Variants in LOC400499 observed in about 807,000 individuals in gnomAD.
At chr16:11,373,867 G>A in the LOC400499 span, among the ~76,000 whole-genome samples, 5 of 152,086 alleles carry the variant, frequency 3.3e-5, no homozygotes, top group East Asian at 1.9e-4. Context: ...TGATCTGCCC[G>A]CCTCGGCCTC....
At chr16:11,385,352 G>A in the LOC400499 span, 1 of 1,232,284 alleles carries the variant, frequency 8.1e-7, no homozygotes, top group Non-Finnish European at 1.0e-6. Context: ...CGCACTGGGT[G>A]CTGAGGTCCC....
chr16:11,489,545 C>G, the LOC400499 span, among the ~76,000 whole-genome samples: 19 of 152,316 alleles, frequency 1.2e-4, no homozygotes, highest in African/African-American at 4.6e-4. Flanking sequence ...ACCCTCCCCC[C>G]ATTGTCTCAG....
chr16:11,388,307 C>T, the LOC400499 span, among the ~76,000 whole-genome samples: 2 of 152,182 alleles, frequency 1.3e-5, no homozygotes, highest in Admixed American at 6.5e-5. Flanking sequence ...CTCTTCCCTT[C>T]ATCAGCCTCC....
chr16:11,458,899 TG>T, the LOC400499 span, among the ~76,000 whole-genome samples: 3 of 151,662 alleles, frequency 2.0e-5, no homozygotes, highest in African/African-American at 7.3e-5. Context: ...TAGCCAGACG[TG>T]GTGGCAGGCA....
chr16:11,390,097 C>T, the LOC400499 span: 37 of 1,232,066 alleles, frequency 3.0e-5, no homozygotes, highest in African/African-American at 4.0e-4. Context: ...TCTCAAACCC[C>T]GAGTTACCTG....
At chr16:11,438,366 G>T in the LOC400499 span, among the ~76,000 whole-genome samples, 1 of 152,146 alleles carries the variant, frequency 6.6e-6, no homozygotes, top group Admixed American at 6.5e-5. Flanking sequence ...ATCAACCTGT[G>T]AAAGCTCATG....
chr16:11,428,836 C>A, the LOC400499 span, among the ~76,000 whole-genome samples: 1 of 151,916 alleles, frequency 6.6e-6, no homozygotes, highest in African/African-American at 2.4e-5. Flanking sequence ...AAGAAAATAA[C>A]ACAAAATGCG....
chr16:11,409,081 C>T, the LOC400499 span, among the ~76,000 whole-genome samples: 1 of 151,592 alleles, frequency 6.6e-6, no homozygotes, highest in African/African-American at 2.4e-5. Context: ...GCCAACGTGG[C>T]GAAACCCCAT....
the LOC400499 span, among the ~76,000 whole-genome samples, chr16:11,406,726 C>G: frequency 6.6e-6 from 1 of 152,246 alleles, no homozygotes; most frequent in Admixed American, 6.5e-5. Flanking sequence ...GCCACCGTGC[C>G]CGGCCTTCCC....
the LOC400499 span, among the ~76,000 whole-genome samples, chr16:11,378,160 C>G: frequency 6.6e-6 from 1 of 151,944 alleles, no homozygotes; most frequent in Non-Finnish European, 1.5e-5. Context: ...TAGTCTCAAA[C>G]TCCTGGGCTC....
At chr16:11,453,190 C>A in the LOC400499 span, among the ~76,000 whole-genome samples, 1 of 152,266 alleles carries the variant, frequency 6.6e-6, no homozygotes, top group East Asian at 1.9e-4. Flanking sequence ...CTCGAAGTTT[C>A]ATAAAAGGAT....
the LOC400499 span, chr16:11,424,129 C>G: frequency 7.5e-6 from 3 of 399,422 alleles, no homozygotes; most frequent in East Asian, 1.1e-4. Flanking sequence ...CCGTGGCCAT[C>G]TAAGGAGAAG....
the LOC400499 span, among the ~76,000 whole-genome samples, chr16:11,386,416 A>C: frequency 6.6e-6 from 1 of 152,254 alleles, no homozygotes; most frequent in Non-Finnish European, 1.5e-5. Context: ...TGGAACTTGA[A>C]GACCAGGCTG....
the LOC400499 span, among the ~76,000 whole-genome samples, chr16:11,505,325 C>G: frequency 1.3e-5 from 2 of 151,684 alleles, no homozygotes; most frequent in Non-Finnish European, 2.9e-5. Flanking sequence ...ACATGACTAA[C>G]CTCTAATGGA....
At chr16:11,483,592 G>A in the LOC400499 span, among the ~76,000 whole-genome samples, 7 of 152,034 alleles carry the variant, frequency 4.6e-5, no homozygotes, top group South Asian at 2.1e-4. Context: ...GTTGGCAAGC[G>A]CAGTGGCTCA....
the LOC400499 span, among the ~76,000 whole-genome samples, chr16:11,433,736 A>G: frequency 1.3e-5 from 2 of 152,202 alleles, no homozygotes; most frequent in African/African-American, 4.8e-5. Flanking sequence ...TCATGCCCGC[A>G]TGATGAAGCC....
chr16:11,470,747 T>C, the LOC400499 span: 17 of 152,032 alleles, frequency 1.1e-4, no homozygotes, highest in Non-Finnish European at 1.9e-4. Context: ...CGCCGGTGAG[T>C]GTGCTGGCGA....
At chr16:11,377,099 G>A in the LOC400499 span, among the ~76,000 whole-genome samples, 6 of 152,242 alleles carry the variant, frequency 3.9e-5, no homozygotes, top group African/African-American at 7.2e-5. Flanking sequence ...GACTATAGGC[G>A]TGCACAACCA....
chr16:11,478,139 C>G, the LOC400499 span: 3 of 388,362 alleles, frequency 7.7e-6, no homozygotes, highest in African/African-American at 6.3e-5. Context: ...ATTGGGAAAC[C>G]CTGTACTAAA....
Sources: allele counts gnomAD v4.1 joint callset (sites outside exome capture counted in the v4.1 genomes callset), GRCh38; gene constraint gnomAD v4.1.1; transcripts MANE v1.5.